The following DPP4 variants were observed in gnomAD, a reference collection of about 807,000 sequenced individuals.
The protein encoded by DPP4 is ADCP-2.
DPP4 carries 93 observed loss-of-function variants against 122.4 expected under a neutral mutation model. The ratio of observed to expected loss-of-function variants is 0.76; its 90% CI spans 0.64 to 0.90. The LOEUF (loss-of-function observed/expected upper bound fraction) is 0.90. DPP4 is among the 40% of genes least tolerant of loss of function. The pLI, the probability that DPP4 is intolerant of heterozygous loss-of-function variation, is 0.00. For synonymous variants in DPP4, 321 were observed against 302.9 expected (o/e 1.06, Z -0.62); for missense variants, 914 against 907.3 (o/e 1.01, Z -0.09).
rs114433528 is a variant in DPP4 at position 162,031,241 on chromosome 2, G to A, written c.887+2300C>T. Among the ~76,000 whole-genome samples the A allele has an allele frequency of 2.2e-3, 337 of 152,248 alleles. 1 individual carries two copies. Among genetic ancestry groups the A allele is most frequent in the African/African-American group, 7.3e-3 (305 of 41,540 alleles). ...GGTTCTCTCACCTGTACCTCACAGCGGTGTTGTGACTGTGTCCTGGAACCA... is the reference window on the plus strand; with the variant it reads ...GGTTCTCTCACCTGTACCTCACAGCAGTGTTGTGACTGTGTCCTGGAACCA... On this transcript the variant is annotated intron_variant, in intron 10 of 25. Transcript: ENST00000360534.
At chr2:162,052,356 G>A (rs1684414311) in intron 2 of DPP4, among the ~76,000 whole-genome samples, 1 of 150,634 alleles carries the variant, frequency 6.6e-6, no homozygotes, top group South Asian at 2.1e-4. Context: ...GAGGACAGGG[G>A]CGCTGGAGGG....
At chr2:162,016,531 G>A (rs894148072) in intron 18 of DPP4, among the ~76,000 whole-genome samples, 3 of 152,190 alleles carry the variant, frequency 2.0e-5, no homozygotes, top group African/African-American at 4.8e-5. Flanking sequence ...TAACGATAGA[G>A]CATGTTCTCC....
intron 14 of DPP4, 52 bp from the exon 15 acceptor site, chr2:162,019,328 A>T: frequency 7.7e-7 from 1 of 1,300,262 alleles, no homozygotes; most frequent in Non-Finnish European, 1.1e-6. Context: ...TTAAGAAGTC[A>T]GAGGCGATCC....
chr2:162,025,772 C>CTT (rs1559713425), intron 10 of DPP4, among the ~76,000 whole-genome samples: 5 of 152,188 alleles, frequency 3.3e-5, no homozygotes, highest in Non-Finnish European at 7.3e-5. Context: ...TCCCTGCTCT[C>CTT]GAGTGTCTGA....
At chr2:161,996,877 G>T (rs548497547) in intron 23 of DPP4, among the ~76,000 whole-genome samples, 1 of 152,244 alleles carries the variant, frequency 6.6e-6, no homozygotes, top group East Asian at 1.9e-4. Flanking sequence ...TCCACTGGGG[G>T]TCTTGGAATG....
At chr2:162,066,453 A>T (rs1421352801) in intron 2 of DPP4, among the ~76,000 whole-genome samples, 1 of 152,126 alleles carries the variant, frequency 6.6e-6, no homozygotes, top group African/African-American at 2.4e-5. Flanking sequence ...AATAAGAGAG[A>T]AACTCCTTTC....
At chr2:162,032,014 C>T (rs1239560230) in intron 10 of DPP4, 1 of 152,158 alleles carries the variant, frequency 6.6e-6, no homozygotes, top group African/African-American at 2.4e-5. Context: ...ACATTTCTAA[C>T]CAAAATAATG....
In DPP4 at chr2:162,019,174, T is replaced by G. The variant is rs751196266; in HGVS notation, c.1298+49A>C. ...AAAAATAAAAATAGAGTTCAGAAAT[T>G]GTTCGTCAGCTAAAATGACTCAAGT... On this transcript the variant is annotated intron_variant, in intron 15 of 25. Transcript: ENST00000360534. 12 of 1,482,596 alleles carry G rather than the reference T, an allele frequency of 8.1e-6. No individual in the cohort carries two copies. In the East Asian group the frequency reaches 2.5e-4, roughly 31 times the overall value. 91.8% of individuals were successfully genotyped at this position (1,482,596 alleles called of 1,614,324 possible).
At chr2:162,012,086 A>G in intron 19 of DPP4, 99 bp from the exon 20 acceptor site, 2 of 1,230,754 alleles carry the variant, frequency 1.6e-6, no homozygotes, top group Middle Eastern at 2.8e-4. Flanking sequence ...CATCCTTCCC[A>G]ATCATGAGCC....
At chr2:162,000,428 C>T (rs1390836591) in intron 23 of DPP4, among the ~76,000 whole-genome samples, 1 of 152,148 alleles carries the variant, frequency 6.6e-6, no homozygotes, top group Non-Finnish European at 1.5e-5. Context: ...CCTCACCAAG[C>T]AACACTGGCT....
At chr2:162,020,775 C>T in intron 12 of DPP4, 87 bp from the exon 13 acceptor site, 1 of 807,236 alleles carries the variant, frequency 1.2e-6, no homozygotes, top group South Asian at 2.3e-5. Flanking sequence ...CTGTCCAATA[C>T]CTACGCTCAA....
At chr2:162,036,392 G>T (rs1240902985) in intron 8 of DPP4, among the ~76,000 whole-genome samples, 2 of 152,128 alleles carry the variant, frequency 1.3e-5, no homozygotes, top group East Asian at 3.8e-4. Flanking sequence ...TTCAATGAGT[G>T]CTAACTATGC....
At position 162,024,955 on chromosome 2, in the gene DPP4, A is replaced by G. The variant is rs1683268594; in HGVS notation, c.888-16T>C. 8 of 1,611,324 alleles carry G rather than the reference A, an allele frequency of 5.0e-6. No individual in the cohort carries two copies. The highest frequency in any genetic ancestry group is 6.8e-6 in the Non-Finnish European group (8 of 1,179,812). On this transcript the variant is annotated splice_polypyrimidine_tract_variant and intron_variant, in intron 10 of 25. Transcript: ENST00000360534. ...GTAGTGATCCCTGGAAGGAAGAAAG[A>G]AAGGAAGGACAGAGAGAGAGAATGA...
chr2:162,073,669 T>C, intron 1 of DPP4, 183 bp from the exon 2 acceptor site: 2 of 678,624 alleles, frequency 2.9e-6, no homozygotes, highest in Non-Finnish European at 5.1e-6. Context: ...CTAAGGCGGG[T>C]GCCCTTGAAC....
At chr2:162,002,659 G>C (rs1701180545) in intron 23 of DPP4, among the ~76,000 whole-genome samples, 1 of 151,518 alleles carries the variant, frequency 6.6e-6, no homozygotes, top group Non-Finnish European at 1.5e-5. Flanking sequence ...GAAAGGGAGA[G>C]AAGGAAAAAG....
Position 162,024,941 on chromosome 2 carries a change from T to C in DPP4, c.888-2A>G, listed in dbSNP as rs201465469. The C allele has an allele frequency of 4.2e-5, 68 of 1,612,440 alleles. No individual in the cohort carries two copies. Among genetic ancestry groups the C allele is most frequent in the Non-Finnish European group, 5.7e-5 (67 of 1,179,878 alleles). On this transcript the variant is annotated splice_acceptor_variant, in intron 10 of 25. Transcript: ENST00000360534. LOFTEE classifies it high-confidence loss of function. The stretch of plus-strand genomic sequence containing the variant: ...GTCACATCACACAAGTAGTGATCCC[T>C]GGAAGGAAGAAAGAAAGGAAGGACA...
intron 5 of DPP4, among the ~76,000 whole-genome samples, chr2:162,039,485 T>C (rs1391606853): frequency 1.3e-5 from 2 of 152,110 alleles, no homozygotes; most frequent in Non-Finnish European, 2.9e-5. Context: ...TGTGCTAAGA[T>C]TGCCTACTTA....
intron 2 of DPP4, among the ~76,000 whole-genome samples, chr2:162,049,774 G>A (rs888343561): frequency 2.0e-5 from 3 of 152,068 alleles, no homozygotes; most frequent in African/African-American, 4.8e-5. Context: ...TCAAGTTGTA[G>A]GTTAATAAAA....
chr2:162,037,606 A>C (rs1285558428), intron 8 of DPP4, among the ~76,000 whole-genome samples: 1 of 152,192 alleles, frequency 6.6e-6, no homozygotes, highest in African/African-American at 2.4e-5. Flanking sequence ...AACCTTGTGA[A>C]CAGTTTGGAG....
Sources: gnomAD v4.1 joint callset for allele counts (sites outside exome capture counted in the v4.1 genomes callset) on GRCh38, gnomAD v4.1.1 for gene constraint, MANE v1.5 for transcripts, NCBI Gene and HGNC (gene_info 2026-07-23, HGNC 2026-07-21) for gene names.